Variants in ITSN2 observed in about 807,000 individuals in gnomAD.
ITSN2 encodes intersectin 2, also known as intersectin-2.
A neutral mutation model predicts 243.7 loss-of-function variants in ITSN2; 156 were observed. That is an observed-to-expected ratio of 0.64 (90% CI 0.56 to 0.73). The LOEUF (loss-of-function observed/expected upper bound fraction) is 0.73, where lower values mean the gene tolerates loss of function less well. ITSN2 is among the 30% of genes least tolerant of loss of function. ITSN2 has a pLI of 0.00. For missense variants in ITSN2, 1,801 were observed against 1,996.1 expected (o/e 0.90, Z 1.86); for synonymous variants, 703 against 699.9 (o/e 1.00, Z -0.07).
At chr2:24,287,646 C>T (rs191528105) in intron 15 of ITSN2, among the ~76,000 whole-genome samples, 53 of 152,176 alleles carry the variant, frequency 3.5e-4, no homozygotes, top group Non-Finnish European at 6.2e-4. Context: ...TACCAATTTA[C>T]ATTCCTCCAA....
At chr2:24,293,143 T>C (rs1176628267) in intron 15 of ITSN2, 1 of 152,210 alleles carries the variant, frequency 6.6e-6, no homozygotes, top group African/African-American at 2.4e-5. Context: ...TACTATCCCA[T>C]AAATTATCCT....
chr2:24,304,216 A>C (rs1682185575), intron 8 of ITSN2, among the ~76,000 whole-genome samples: 1 of 152,100 alleles, frequency 6.6e-6, no homozygotes, highest in Non-Finnish European at 1.5e-5. Context: ...AGCACTTCCC[A>C]CTCCTACGTG....
intron 1 of ITSN2, among the ~76,000 whole-genome samples, chr2:24,336,435 TA>T (rs1331447287): frequency 2.0e-5 from 3 of 152,174 alleles, no homozygotes; most frequent in African/African-American, 7.2e-5. Flanking sequence ...GATTACAAGT[TA>T]AAGTCCAAAC....
At position 24,246,070 on chromosome 2, in the gene ITSN2, C is replaced by G. The variant is rs1673321992; in HGVS notation, c.3577+59G>C. On this transcript the variant is annotated intron_variant, in intron 29 of 39. Transcript: ENST00000355123. The stretch of plus-strand genomic sequence containing the variant: ...ATCTAATCCAGAAAAGGAATAAATG[C>G]AGTGCTGTATATTGAAGTTTCACAC... The G allele has an allele frequency of 3.8e-6, 4 of 1,044,914 alleles. No individual in the cohort carries two copies. In the African/African-American group the frequency reaches 6.4e-5, roughly 17 times the overall value. 64.7% of individuals were successfully genotyped at this position (1,044,914 alleles called of 1,614,324 possible). A position where few individuals can be genotyped will look rare whatever the true frequency, so the allele number is the denominator to read the frequency against.
intron 19 of ITSN2, 76 bp downstream of exon 19, chr2:24,271,690 C>T (rs1677364682): frequency 7.1e-7 from 1 of 1,410,078 alleles, no homozygotes; most frequent in Non-Finnish European, 9.3e-7. Context: ...AATTTTCTTC[C>T]CTTTTTTTGT....
intron 29 of ITSN2, among the ~76,000 whole-genome samples, chr2:24,222,411 A>T (rs1670555382): frequency 6.6e-6 from 1 of 152,180 alleles, no homozygotes. Flanking sequence ...AAAAGACTGC[A>T]AAACCACAAA....
At chr2:24,244,029 G>A (rs139383734) in intron 29 of ITSN2, among the ~76,000 whole-genome samples, 1,638 of 152,220 alleles carry the variant, frequency 0.011, 16 homozygotes, top group Non-Finnish European at 0.017. Flanking sequence ...CTCAACTACA[G>A]GCAGACTAAG....
rs2151065890 is a variant in ITSN2 at position 24,203,787 on chromosome 2, G to T, written c.4937-4C>A. ...ATTTCAGTACGACCCAGGAAATCTG[G>T]TGAATAAACACAGGAGAGTCAGAAG... On this transcript the variant is annotated splice_polypyrimidine_tract_variant and splice_region_variant and intron_variant, in intron 39 of 39. Transcript: ENST00000355123. The T allele has an allele frequency of 6.2e-7, 1 of 1,612,790 alleles. No individual in the cohort carries two copies. The highest frequency in any genetic ancestry group is 1.1e-5 in the South Asian group (1 of 91,036).
chr2:24,270,366 G>A (rs150652112), intron 20 of ITSN2, among the ~76,000 whole-genome samples: 28 of 152,282 alleles, frequency 1.8e-4, no homozygotes, highest in Middle Eastern at 6.8e-3. Context: ...AACAGTTGCT[G>A]TATGGCATAG....
At chr2:24,359,900 C>T (rs2551150) in intron 1 of ITSN2, among the ~76,000 whole-genome samples, 148,794 of 152,150 alleles carry the variant, frequency 0.98, 72,752 homozygotes, top group East Asian at 0.99. Flanking sequence ...TAAAATGGGT[C>T]CCCGAGGAGG....
At chr2:24,301,774 C>T (rs566647460) in intron 10 of ITSN2, among the ~76,000 whole-genome samples, 191 bp downstream of exon 10, 7 of 152,282 alleles carry the variant, frequency 4.6e-5, no homozygotes, top group Admixed American at 4.6e-4. Context: ...GATCCTCCCA[C>T]CTTGGCTCCC....
intron 24 of ITSN2, among the ~76,000 whole-genome samples, chr2:24,253,664 T>C (rs1237757753): frequency 2.0e-5 from 3 of 152,274 alleles, no homozygotes; most frequent in Non-Finnish European, 4.4e-5. Flanking sequence ...GTGAGCACTT[T>C]GGAAACTTTT....
chr2:24,216,845 A>G (rs1297534148), intron 31 of ITSN2, among the ~76,000 whole-genome samples: 2 of 152,224 alleles, frequency 1.3e-5, no homozygotes, highest in East Asian at 3.9e-4. Context: ...CAGCACTTTG[A>G]GAGGCTGAGG....
chr2:24,346,356 C>T (rs1359249073), intron 1 of ITSN2, among the ~76,000 whole-genome samples: 2 of 152,108 alleles, frequency 1.3e-5, no homozygotes, highest in Non-Finnish European at 2.9e-5. Flanking sequence ...CATCAAATTC[C>T]AATATACTTA....
intron 30 of ITSN2, among the ~76,000 whole-genome samples, chr2:24,219,017 G>A (rs540450370): frequency 6.6e-6 from 1 of 152,266 alleles, no homozygotes; most frequent in South Asian, 2.1e-4. Context: ...CTGGCCCTCA[G>A]CTACTTCACA....
At chr2:24,232,939 G>A (rs890673711) in intron 29 of ITSN2, among the ~76,000 whole-genome samples, 5 of 152,102 alleles carry the variant, frequency 3.3e-5, no homozygotes, top group Non-Finnish European at 7.4e-5. Flanking sequence ...ATGCCAATTA[G>A]CCCAAAGCAA....
chr2:24,247,804 T>C (rs571619133), intron 27 of ITSN2, among the ~76,000 whole-genome samples: 2 of 152,344 alleles, frequency 1.3e-5, no homozygotes, highest in East Asian at 3.9e-4. Context: ...TGTTAATCAT[T>C]AATCAGGAGG....
chr2:24,236,978 G>A (rs1229303891), intron 29 of ITSN2, among the ~76,000 whole-genome samples: 1 of 151,354 alleles, frequency 6.6e-6, no homozygotes, highest in Non-Finnish European at 1.5e-5. Flanking sequence ...TTACAGGCAT[G>A]AGCCACCATC....
intron 9 of ITSN2, among the ~76,000 whole-genome samples, chr2:24,303,442 TATAA>T (rs1169739574): frequency 1.3e-5 from 2 of 152,374 alleles, no homozygotes; most frequent in Admixed American, 6.5e-5. Context: ...AAGAATAGGA[TATAA>T]ATATCTTTCT....
Sources: allele counts gnomAD v4.1 joint callset (sites outside exome capture counted in the v4.1 genomes callset), GRCh38; gene constraint gnomAD v4.1.1; transcripts MANE v1.5; gene names NCBI Gene and HGNC (gene_info 2026-07-23, HGNC 2026-07-21).